Variants in TP63 observed in about 807,000 individuals in gnomAD.
The protein encoded by TP63 is tumor protein 63.
A neutral mutation model predicts 82.8 loss-of-function variants in TP63; 17 were observed. The ratio of observed to expected loss-of-function variants is 0.21; its 90% CI spans 0.14 to 0.31. The LOEUF (loss-of-function observed/expected upper bound fraction) is 0.31. Among genes scored for constraint, TP63 ranks in the 10% least tolerant of loss-of-function variants. The probability of loss-of-function intolerance (pLI) is 1.00; values close to 1 mark genes in which losing one functional copy is unlikely to be tolerated. For synonymous variants in TP63, 330 were observed against 321.7 expected (o/e 1.03, Z -0.28); for missense variants, 648 against 895.3 (o/e 0.72, Z 3.52).
intron 1 of TP63, among the ~76,000 whole-genome samples, chr3:189,721,157 A>G (rs1201729595): frequency 6.6e-6 from 1 of 152,220 alleles, no homozygotes; most frequent in Non-Finnish European, 1.5e-5. Context: ...TTGCAGCAGT[A>G]GTTATTGGTT....
intron 1 of TP63, among the ~76,000 whole-genome samples, chr3:189,725,283 A>G (rs1303580382): frequency 1.3e-5 from 2 of 152,242 alleles, no homozygotes; most frequent in East Asian, 1.9e-4. Flanking sequence ...TGAAGTTTAT[A>G]CACAAGACAG....
chr3:189,693,073 T>G lies in TP63; in HGVS notation c.63-44667T>G, dbSNP rs76756631. Reference sequence around the variant, plus strand: ...GGAGAATAACTATGTTACAGGTGCTTGTTACCTACAACCTTTGGCTTATAT... The same window carrying G: ...GGAGAATAACTATGTTACAGGTGCTGGTTACCTACAACCTTTGGCTTATAT... On this transcript the variant is annotated intron_variant, in intron 1 of 13. Coordinates refer to ENST00000264731, the MANE Select transcript of TP63 (RefSeq NM_003722.5). Among the ~76,000 whole-genome samples the G allele has an allele frequency of 1.3e-3, 191 of 152,270 alleles. 1 individual carries two copies. Among genetic ancestry groups the G allele is most frequent in the African/African-American group, 4.4e-3 (184 of 41,540 alleles).
chr3:189,801,673 A>T (rs1726315874), intron 3 of TP63, among the ~76,000 whole-genome samples: 1 of 152,062 alleles, frequency 6.6e-6, no homozygotes, highest in African/African-American at 2.4e-5. Context: ...ACAACTTTGT[A>T]TTTATTTCTC....
At chr3:189,884,813 A>G (rs898485405) in intron 10 of TP63, among the ~76,000 whole-genome samples, 2 of 152,248 alleles carry the variant, frequency 1.3e-5, no homozygotes, top group African/African-American at 4.8e-5. Context: ...ACATTAAAAT[A>G]CAGCATATTG....
At chr3:189,889,221 TA>T in intron 11 of TP63, 118 bp from the exon 12 acceptor site, 2 of 1,460,022 alleles carry the variant, frequency 1.4e-6, no homozygotes, top group Non-Finnish European at 1.9e-6. Flanking sequence ...GAGCGAAGAT[TA>T]AAAAGGAAGG....
intron 1 of TP63, among the ~76,000 whole-genome samples, chr3:189,663,565 T>C (rs1462364273): frequency 7.3e-6 from 1 of 137,390 alleles, no homozygotes; most frequent in Admixed American, 8.1e-5. Flanking sequence ...TCTCACTCTG[T>C]CACCCAGGCT....
intron 13 of TP63, among the ~76,000 whole-genome samples, chr3:189,893,319 T>C (rs1013026903): frequency 2.6e-5 from 4 of 152,226 alleles, no homozygotes; most frequent in Admixed American, 6.5e-5. Flanking sequence ...AGTGACTTGC[T>C]GAAGTTCTAT....
At position 189,859,119 on chromosome 3, in the gene TP63, T is replaced by A. The variant is rs116448067; in HGVS notation, c.580-5113T>A. 8.1e-3 allele frequency among the ~76,000 whole-genome samples: 1,234 copies of A among 152,288 alleles called. 23 individuals carry two copies. The highest frequency in any genetic ancestry group is 0.028 in the African/African-American group (1,176 of 41,546). On this transcript the variant is annotated intron_variant, in intron 4 of 13. Transcript: ENST00000264731. ...TTCAAAATAGCTAGAAGGGAGGATT[T>A]TGAATGTTCTTACTACAAAGAAATG...
At chr3:189,866,497 A>G (rs1371303684) in intron 5 of TP63, among the ~76,000 whole-genome samples, 185 bp from the exon 6 acceptor site, 1 of 152,182 alleles carries the variant, frequency 6.6e-6, no homozygotes, top group African/African-American at 2.4e-5. Context: ...GTTGCTATAA[A>G]GGTTATGACA....
chr3:189,637,137 C>A (rs532287263), intron 1 of TP63, among the ~76,000 whole-genome samples: 1 of 151,866 alleles, frequency 6.6e-6, no homozygotes, highest in Non-Finnish European at 1.5e-5. Flanking sequence ...CACCAATGAA[C>A]CTAATGTGCA....
At chr3:189,838,461 G>GAT (rs1285217657) in intron 4 of TP63, among the ~76,000 whole-genome samples, 3 of 152,184 alleles carry the variant, frequency 2.0e-5, no homozygotes, top group Non-Finnish European at 4.4e-5. Flanking sequence ...AAGCGAACAA[G>GAT]ATGAAGCACG....
intron 1 of TP63, among the ~76,000 whole-genome samples, chr3:189,682,809 C>T (rs1322569714): frequency 6.6e-6 from 1 of 151,802 alleles, no homozygotes; most frequent in Non-Finnish European, 1.5e-5. Flanking sequence ...TCATTGACCC[C>T]AAACCATAAT....
chr3:189,736,438 C>T (rs936479386), intron 1 of TP63, among the ~76,000 whole-genome samples: 1 of 152,014 alleles, frequency 6.6e-6, no homozygotes, highest in African/African-American at 2.4e-5. Flanking sequence ...TTAGCTCTTA[C>T]CTGACCTTCC....
At chr3:189,741,028 C>T (rs530720476) in intron 3 of TP63, among the ~76,000 whole-genome samples, 9 of 152,008 alleles carry the variant, frequency 5.9e-5, no homozygotes, top group Non-Finnish European at 1.2e-4. Flanking sequence ...ATAGTAGGTC[C>T]CCATAGTAGG....
chr3:189,885,364 G>C (rs1007680509), intron 10 of TP63, among the ~76,000 whole-genome samples: 10 of 152,174 alleles, frequency 6.6e-5, no homozygotes, highest in African/African-American at 2.4e-4. Flanking sequence ...CAAAGATGGG[G>C]ACCATGCCTT....
chr3:189,705,777 T>G (rs1324364326), intron 1 of TP63, among the ~76,000 whole-genome samples: 1 of 152,304 alleles, frequency 6.6e-6, no homozygotes, highest in East Asian at 1.9e-4. Flanking sequence ...TAAGATTTTT[T>G]GTATGTCAAA....
intron 1 of TP63, among the ~76,000 whole-genome samples, chr3:189,685,345 T>A (rs1346535380): frequency 6.6e-6 from 1 of 152,208 alleles, no homozygotes; most frequent in Admixed American, 6.5e-5. Context: ...CATTGCAGGT[T>A]GTTTCTTCCT....
At chr3:189,622,554 G>C in the TP63 span, among the ~76,000 whole-genome samples, 1 of 152,182 alleles carries the variant, frequency 6.6e-6, no homozygotes, top group South Asian at 2.1e-4. Flanking sequence ...TAAGTGGCAA[G>C]CTGTATAAAA....
intron 1 of TP63, among the ~76,000 whole-genome samples, chr3:189,725,097 T>A (rs1304951046): frequency 1.3e-5 from 2 of 152,188 alleles, no homozygotes; most frequent in Non-Finnish European, 2.9e-5. Flanking sequence ...GTGTTATACC[T>A]CATTGTGAAA....
Sources: allele counts gnomAD v4.1 joint callset (sites outside exome capture counted in the v4.1 genomes callset), GRCh38; gene constraint gnomAD v4.1.1; transcripts MANE v1.5; gene names NCBI Gene and HGNC (gene_info 2026-07-23, HGNC 2026-07-21).